TRIP4: variants seen among roughly 807,000 people sequenced by gnomAD.
TRIP4 encodes the protein activating signal cointegrator 1.
In TRIP4, 54 loss-of-function variants were observed where a neutral mutation model predicts 81.8. That is an observed-to-expected ratio of 0.66 (90% CI 0.53 to 0.83). The LOEUF is 0.83. Ranked by LOEUF, TRIP4 falls within the 40% of genes least tolerant of loss-of-function variation. The pLI, the probability that TRIP4 is intolerant of heterozygous loss-of-function variation, is 0.00. For missense variants in TRIP4, 662 were observed against 683.6 expected (o/e 0.97, Z 0.35); for synonymous variants, 270 against 242.8 (o/e 1.11, Z -1.04).
intron 4 of TRIP4, among the ~76,000 whole-genome samples, chr15:64,398,720 A>G (rs1343745996): frequency 6.6e-6 from 1 of 152,116 alleles, no homozygotes; most frequent in Non-Finnish European, 1.5e-5. Flanking sequence ...TATTTCCAGG[A>G]TTCCACCTTG....
intron 6 of TRIP4, among the ~76,000 whole-genome samples, chr15:64,408,916 C>G (rs1178560879): frequency 6.6e-6 from 1 of 151,934 alleles, no homozygotes; most frequent in Non-Finnish European, 1.5e-5. Context: ...AATAGAATGT[C>G]TTAAGAGTAA....
intron 1 of TRIP4, chr15:64,393,709 C>T (rs1365908845): frequency 6.3e-6 from 2 of 317,262 alleles, no homozygotes; most frequent in Non-Finnish European, 1.1e-5. Flanking sequence ...TTCCATCACT[C>T]ACTAGTAATC....
At chr15:64,388,624 T>C (rs1221943987) in intron 1 of TRIP4, among the ~76,000 whole-genome samples, 2 of 152,190 alleles carry the variant, frequency 1.3e-5, no homozygotes, top group African/African-American at 2.4e-5. Flanking sequence ...CTGAACATTT[T>C]AGTCGGCCCA....
intron 12 of TRIP4, among the ~76,000 whole-genome samples, chr15:64,452,582 A>G (rs1892795062): frequency 6.6e-6 from 1 of 152,160 alleles, no homozygotes; most frequent in African/African-American, 2.4e-5. Flanking sequence ...CATGTTAGCT[A>G]TAATCTTCTT....
intron 10 of TRIP4, 109 bp downstream of exon 10, chr15:64,424,264 T>A: frequency 1.4e-6 from 2 of 1,467,354 alleles, no homozygotes; most frequent in Admixed American, 4.1e-5. Context: ...TAAAAGAGAC[T>A]TTTAATCTTT....
intron 12 of TRIP4, 162 bp downstream of exon 12, chr15:64,445,270 A>ATTTTCTTTTC: frequency 2.4e-6 from 1 of 423,066 alleles, no homozygotes. Flanking sequence ...TGATGGTCTA[A>ATTTTCTTTTC]TTTTCTTTTC....
chr15:64,431,867 A>ATT (rs1892283346), intron 11 of TRIP4, among the ~76,000 whole-genome samples: 1 of 107,624 alleles, frequency 9.3e-6, no homozygotes, highest in African/African-American at 3.5e-5. Flanking sequence ...TCCAAAGAGC[A>ATT]TTGTGTTTTC....
chr15:64,418,746 T>A lies in TRIP4; in HGVS notation c.1358+18T>A. Reference sequence around the variant, plus strand: ...ATTAAAAGGTAAGAATAAAAATGAATCTGGGCAGTGGAAGATCTTAGAGTG... The same window carrying A: ...ATTAAAAGGTAAGAATAAAAATGAAACTGGGCAGTGGAAGATCTTAGAGTG... On this transcript the variant is annotated intron_variant, in intron 9 of 12. Transcript: ENST00000261884. 2 of 1,593,404 alleles carry A rather than the reference T, an allele frequency of 1.3e-6. No individual in the cohort carries two copies. The highest frequency in any genetic ancestry group is 1.7e-6 in the Non-Finnish European group (2 of 1,171,278).
At chr15:64,415,586 A>C (rs992729469) in intron 8 of TRIP4, among the ~76,000 whole-genome samples, 1 of 152,156 alleles carries the variant, frequency 6.6e-6, no homozygotes, top group East Asian at 1.9e-4. Context: ...CTGTCTTCAC[A>C]TGGACTTCTT....
At chr15:64,436,020 C>T (rs1436286577) in intron 11 of TRIP4, among the ~76,000 whole-genome samples, 5 of 151,902 alleles carry the variant, frequency 3.3e-5, no homozygotes, top group Admixed American at 2.0e-4. Context: ...TCAGGCTGGG[C>T]GGGGTGGCTC....
intron 4 of TRIP4, among the ~76,000 whole-genome samples, chr15:64,398,878 C>T (rs1021590883): frequency 7.3e-5 from 11 of 150,654 alleles, no homozygotes; most frequent in Non-Finnish European, 1.2e-4. Context: ...TAAAGGCATC[C>T]GTTTTATATT....
intron 8 of TRIP4, among the ~76,000 whole-genome samples, chr15:64,417,294 C>T (rs960996150): frequency 6.6e-6 from 1 of 151,918 alleles, no homozygotes; most frequent in Non-Finnish European, 1.5e-5. Context: ...TTACAGACAT[C>T]GGCCATCATG....
At chr15:64,439,673 G>C (rs774574961) in intron 11 of TRIP4, among the ~76,000 whole-genome samples, 1 of 151,426 alleles carries the variant, frequency 6.6e-6, no homozygotes, top group Non-Finnish European at 1.5e-5. Context: ...ACAGGTGCCC[G>C]CCATCATGCC....
At chr15:64,421,326 T>C (rs72741315) in intron 9 of TRIP4, among the ~76,000 whole-genome samples, 7,290 of 151,376 alleles carry the variant, frequency 0.048, 231 homozygotes, top group South Asian at 0.089. Context: ...TACCTTTTAT[T>C]TTCTTTCTTT....
intron 4 of TRIP4, among the ~76,000 whole-genome samples, chr15:64,398,989 G>A (rs1259633755): frequency 5.3e-5 from 7 of 130,888 alleles, no homozygotes; most frequent in South Asian, 2.7e-4. Flanking sequence ...TCACTCTGTC[G>A]CCCAGGCTGG....
At position 64,449,571 on chromosome 15, in the gene TRIP4, C is replaced by CATAT. The variant is rs35359477; in HGVS notation, c.1678+4475_1678+4478dup. 1.9e-4 allele frequency among the ~76,000 whole-genome samples: 28 copies of CATAT among 149,346 alleles called. No homozygotes were observed. The East Asian group carries it at 3.2e-3, about 17-fold the overall frequency. On this transcript the variant is annotated intron_variant, in intron 12 of 12. Transcript: ENST00000261884. ...AATATGACCCATTTATGTGTTGTAT[C>CATAT]ATATATATATATATAAAAAATATAT...
chr15:64,428,089 G>A (rs1019951115), intron 11 of TRIP4, among the ~76,000 whole-genome samples: 6 of 152,054 alleles, frequency 3.9e-5, no homozygotes, highest in East Asian at 1.9e-4. Context: ...CCTGGGATAT[G>A]TATTTGCGTT....
intron 11 of TRIP4, among the ~76,000 whole-genome samples, chr15:64,431,847 A>ATATATATATATATATTTTTTTT: frequency 8.4e-6 from 1 of 119,560 alleles, no homozygotes; most frequent in African/African-American, 3.3e-5. Flanking sequence ...ATATATATAT[A>ATATATATATATATATTTTTTTT]TTTTTTTTAT....
At position 64,418,697 on chromosome 15, in the gene TRIP4, T is replaced by A; in HGVS notation, c.1327T>A (p.Trp443Arg). The stretch of plus-strand genomic sequence containing the variant: ...CTGGTGCCTCTCTGTACATCAGCCC[T>A]GGGCTTCTCTGCTTGTCAGAGGGAT... ...GGWCLSVHQP[W>R]ASLLVRGIKR... The change falls in exon 9 of 13, where the codon TGG (tryptophan) becomes AGG (arginine). Residue 443 changes from tryptophan (W) to arginine (R), a missense_variant. Trp to Arg is a moderately radical substitution (Grantham distance 101). Transcript: ENST00000261884. 1 of 1,613,604 alleles carries A rather than the reference T, an allele frequency of 6.2e-7. No individual in the cohort carries two copies. The highest frequency in any genetic ancestry group is 2.2e-5 in the East Asian group (1 of 44,880).
Sources: allele counts gnomAD v4.1 joint callset (sites outside exome capture counted in the v4.1 genomes callset), GRCh38; gene constraint gnomAD v4.1.1; transcripts MANE v1.5; gene names NCBI Gene and HGNC (gene_info 2026-07-23, HGNC 2026-07-21).